UBE2E2: variants seen among roughly 807,000 people sequenced by gnomAD.
UBE2E2 encodes ubiquitin-conjugating enzyme E2 E2.
A neutral mutation model predicts 24.7 loss-of-function variants in UBE2E2; 6 were observed. The ratio of observed to expected loss-of-function variants is 0.24; its 90% CI spans 0.13 to 0.48. UBE2E2 has a LOEUF of 0.48. UBE2E2 is among the 20% of genes least tolerant of loss of function. UBE2E2 has a pLI of 0.99. For missense variants in UBE2E2, 169 were observed against 245.0 expected, an observed-to-expected ratio of 0.69 and a Z score of 2.07; for synonymous variants, 104 against 83.6, an observed-to-expected ratio of 1.24 and a Z score of -1.33.
At chr3:23,204,271 G>A (rs995554889) in intron 1 of UBE2E2, among the ~76,000 whole-genome samples, 4 of 151,840 alleles carry the variant, frequency 2.6e-5, no homozygotes, top group African/African-American at 9.7e-5. Flanking sequence ...AACCAGAAAT[G>A]TCCAATCCAT....
chr3:23,428,552 A>G (rs1157352855), intron 3 of UBE2E2, among the ~76,000 whole-genome samples: 1 of 152,196 alleles, frequency 6.6e-6, no homozygotes, highest in Non-Finnish European at 1.5e-5. Context: ...ATTAGTGTAT[A>G]TATTAATGAA....
At chr3:23,521,552 A>C (rs1290671222) in intron 4 of UBE2E2, among the ~76,000 whole-genome samples, 2 of 152,238 alleles carry the variant, frequency 1.3e-5, no homozygotes, top group Non-Finnish European at 2.9e-5. Flanking sequence ...ATAGCCCCAC[A>C]TAATGGTTGT....
chr3:23,469,623 C>G (rs1251807909), intron 3 of UBE2E2, among the ~76,000 whole-genome samples: 1 of 152,118 alleles, frequency 6.6e-6, no homozygotes, highest in Non-Finnish European at 1.5e-5. Flanking sequence ...TTGAACCTGC[C>G]AAGTTGACCG....
intron 4 of UBE2E2, among the ~76,000 whole-genome samples, chr3:23,523,941 G>A (rs1367877724): frequency 1.3e-5 from 2 of 150,466 alleles, no homozygotes; most frequent in Non-Finnish European, 3.0e-5. Context: ...CTGATTCATG[G>A]CATGGGGGCT....
chr3:23,427,696 T>C (rs1201755133), intron 3 of UBE2E2, among the ~76,000 whole-genome samples: 1 of 152,132 alleles, frequency 6.6e-6, no homozygotes, highest in Non-Finnish European at 1.5e-5. Context: ...TTAAAACACA[T>C]GTAGAGTAAA....
At chr3:23,427,404 T>C (rs1340314149) in intron 3 of UBE2E2, among the ~76,000 whole-genome samples, 14 of 151,458 alleles carry the variant, frequency 9.2e-5, no homozygotes, top group Admixed American at 9.2e-4. Flanking sequence ...CTCTCCAACC[T>C]AAAAAAAAGT....
chr3:23,324,381 C>T (rs951824916), intron 3 of UBE2E2, among the ~76,000 whole-genome samples: 1 of 151,990 alleles, frequency 6.6e-6, no homozygotes. Context: ...ATTTAAGGAC[C>T]GTATTCCTTA....
intron 3 of UBE2E2, among the ~76,000 whole-genome samples, chr3:23,286,557 G>A (rs983423050): frequency 1.3e-5 from 2 of 152,156 alleles, no homozygotes; most frequent in Non-Finnish European, 2.9e-5. Context: ...CCAGAGCTCT[G>A]TAGTATAATT....
At chr3:23,244,824 T>A (rs1463494250) in intron 3 of UBE2E2, among the ~76,000 whole-genome samples, 1 of 152,172 alleles carries the variant, frequency 6.6e-6, no homozygotes, top group Non-Finnish European at 1.5e-5. Context: ...TTTGAGCTCT[T>A]TTATACAAAT....
chr3:23,402,145 C>T (rs34916096), intron 3 of UBE2E2, among the ~76,000 whole-genome samples: 9,240 of 152,148 alleles, frequency 0.061, 453 homozygotes, highest in Non-Finnish European at 0.088. Flanking sequence ...TGAGCCACCG[C>T]GCCCGACCCC....
chr3:23,274,337 C>T (rs767498751), intron 3 of UBE2E2, among the ~76,000 whole-genome samples: 19 of 152,088 alleles, frequency 1.2e-4, no homozygotes, highest in Non-Finnish European at 2.5e-4. Context: ...CGACCCCCTT[C>T]CTTTCCTGGA....
chr3:23,582,895 T>TGTGTGTA (rs1696520498), intron 5 of UBE2E2, among the ~76,000 whole-genome samples: 1 of 51,416 alleles, frequency 1.9e-5, no homozygotes, highest in African/African-American at 8.9e-5. Context: ...GTGTGTGTGT[T>TGTGTGTA]GTGTGTTTGT....
chr3:23,319,449 T>C (rs1694682811), intron 3 of UBE2E2, among the ~76,000 whole-genome samples: 1 of 152,204 alleles, frequency 6.6e-6, no homozygotes, highest in Non-Finnish European at 1.5e-5. Context: ...TTATAGTTTA[T>C]ATAGTGTTGA....
chr3:23,210,382 G>A (rs1451542137), intron 2 of UBE2E2, among the ~76,000 whole-genome samples: 1 of 152,198 alleles, frequency 6.6e-6, no homozygotes, highest in African/African-American at 2.4e-5. Flanking sequence ...AAAGTCACCT[G>A]TTGTGGTGAG....
chr3:23,462,679 G>C (rs912869924), intron 3 of UBE2E2, among the ~76,000 whole-genome samples: 4 of 152,152 alleles, frequency 2.6e-5, no homozygotes, highest in African/African-American at 9.7e-5. Context: ...TTCTACGTCA[G>C]ATTTCAATGT....
intron 3 of UBE2E2, among the ~76,000 whole-genome samples, chr3:23,245,174 A>C (rs1409530275): frequency 1.3e-5 from 2 of 152,186 alleles, no homozygotes; most frequent in African/African-American, 4.8e-5. Context: ...AACCATTTAC[A>C]TAAAAATGGG....
intron 5 of UBE2E2, among the ~76,000 whole-genome samples, chr3:23,577,784 T>A (rs1441389165): frequency 6.6e-6 from 1 of 152,140 alleles, no homozygotes; most frequent in East Asian, 1.9e-4. Flanking sequence ...CTACACAGCT[T>A]TAAAGGACAG....
chr3:23,523,458 C>G (rs1189222286), intron 4 of UBE2E2, among the ~76,000 whole-genome samples: 1 of 152,146 alleles, frequency 6.6e-6, no homozygotes, highest in African/African-American at 2.4e-5. Flanking sequence ...TACTTGAAAG[C>G]TAAAAGATAG....
intron 3 of UBE2E2, among the ~76,000 whole-genome samples, chr3:23,292,568 T>C (rs913494876): frequency 5.3e-5 from 8 of 152,172 alleles, no homozygotes; most frequent in Middle Eastern, 3.2e-3. Context: ...GCCTCATAAA[T>C]AGTTAGCAAC....
Sources: gnomAD v4.1 joint callset for allele counts (sites outside exome capture counted in the v4.1 genomes callset) on GRCh38, gnomAD v4.1.1 for gene constraint, MANE v1.5 for transcripts, NCBI Gene and HGNC (gene_info 2026-07-23, HGNC 2026-07-21) for gene names.